The following WNT2 variants were observed in gnomAD, a reference collection of about 807,000 sequenced individuals.
The protein encoded by WNT2 is protein Wnt-2.
A neutral mutation model predicts 36.9 loss-of-function variants in WNT2; 12 were observed. The ratio of observed to expected loss-of-function variants is 0.33; its 90% CI spans 0.21 to 0.53. The LOEUF (loss-of-function observed/expected upper bound fraction) is 0.53, where lower values mean the gene tolerates loss of function less well. Ranked by LOEUF, WNT2 falls within the 20% of genes least tolerant of loss-of-function variation. The pLI, the probability that WNT2 is intolerant of heterozygous loss-of-function variation, is 0.95. For missense variants in WNT2, 379 were observed against 473.1 expected, an observed-to-expected ratio of 0.80 and a Z score of 1.84; for synonymous variants, 163 against 174.6, an observed-to-expected ratio of 0.93 and a Z score of 0.52.
intron 2 of WNT2, among the ~76,000 whole-genome samples, chr7:117,316,838 G>A (rs373786500): frequency 1.3e-5 from 2 of 152,164 alleles, no homozygotes; most frequent in East Asian, 3.8e-4. Flanking sequence ...GGTTACGAGA[G>A]CTGTTTTAAA....
intron 3 of WNT2, among the ~76,000 whole-genome samples, chr7:117,303,313 G>A (rs140746593): frequency 9.4e-4 from 143 of 152,312 alleles, no homozygotes; most frequent in Middle Eastern, 3.4e-3. Flanking sequence ...CGGGGAAATC[G>A]TTATTCAATT....
intron 4 of WNT2, among the ~76,000 whole-genome samples, chr7:117,296,532 A>C (rs1055693546): frequency 1.3e-5 from 2 of 151,942 alleles, no homozygotes; most frequent in East Asian, 3.9e-4. Flanking sequence ...TTTTTCTGAT[A>C]ATGAATTCCT....
At chr7:117,313,616 A>T (rs1217151820) in intron 3 of WNT2, among the ~76,000 whole-genome samples, 1 of 152,226 alleles carries the variant, frequency 6.6e-6, no homozygotes, top group Non-Finnish European at 1.5e-5. Context: ...TTATCTTTCC[A>T]AATAGAGAAA....
intron 1 of WNT2, 36 bp from the exon 2 acceptor site, chr7:117,320,829 C>T (rs369496986): frequency 1.0e-4 from 163 of 1,560,428 alleles, no homozygotes; most frequent in Non-Finnish European, 1.3e-4. Context: ...GTGAGGGCAA[C>T]GTGAACAGGG....
chr7:117,320,688 A>C lies in WNT2; in HGVS notation c.189T>G (p.Arg63=). ...ACTCGGCCACGCCCTGGCTAATGGC[A>C]CGCATCACATCTGGATGTCGGTGAC... The part of the protein sequence containing the change: ...QLCHRHPDVM[R]AISQGVAEWT... The change falls in exon 2 of 5, where the codon CGT becomes CGG. Residue 63 remains arginine, a synonymous_variant. Coordinates refer to ENST00000265441, the MANE Select transcript of WNT2 (RefSeq NM_003391.3). The C allele has an allele frequency of 6.2e-7, 1 of 1,614,042 alleles. No homozygotes were observed. The highest frequency in any genetic ancestry group is 8.5e-7 in the Non-Finnish European group (1 of 1,179,994).
At chr7:117,283,882 A>G (rs1794537722) in intron 4 of WNT2, among the ~76,000 whole-genome samples, 1 of 152,176 alleles carries the variant, frequency 6.6e-6, no homozygotes, top group South Asian at 2.1e-4. Flanking sequence ...GGAAAATGAG[A>G]GAGGGTTTTT....
intron 3 of WNT2, among the ~76,000 whole-genome samples, chr7:117,302,996 C>A (rs569244365): frequency 6.6e-6 from 1 of 152,254 alleles, no homozygotes; most frequent in African/African-American, 2.4e-5. Flanking sequence ...TTCCTGGCAA[C>A]TGGAGAGGGC....
chr7:117,304,684 C>T (rs890366115), intron 3 of WNT2, among the ~76,000 whole-genome samples: 2 of 152,210 alleles, frequency 1.3e-5, no homozygotes, highest in Admixed American at 6.5e-5. Context: ...GATCCACCCG[C>T]CTTGGCCTCC....
At position 117,278,125 on chromosome 7, in the gene WNT2, A is replaced by C. The variant is rs200760273; in HGVS notation, c.*30T>G. 1.1e-5 allele frequency: 17 copies of C among 1,610,516 alleles called. No individual in the cohort carries two copies. The East Asian group carries it at 3.8e-4, about 36-fold the overall frequency. On this transcript the variant is annotated 3_prime_UTR_variant, in exon 5 of 5. Coordinates refer to ENST00000265441, the MANE Select transcript of WNT2 (RefSeq NM_003391.3). ...GCAGATCCAATGGAGTCCTTGTAGAAGGGAAGGTGGATGGTGACGCCTGCT... is the reference window on the plus strand; with the variant it reads ...GCAGATCCAATGGAGTCCTTGTAGACGGGAAGGTGGATGGTGACGCCTGCT...
At chr7:117,314,501 A>C (rs1363815013) in intron 3 of WNT2, among the ~76,000 whole-genome samples, 1 of 152,224 alleles carries the variant, frequency 6.6e-6, no homozygotes, top group African/African-American at 2.4e-5. Flanking sequence ...AGAAGGGGCC[A>C]GAATACCCTC....
chr7:117,292,842 T>C (rs958764134), intron 4 of WNT2, among the ~76,000 whole-genome samples: 2 of 152,190 alleles, frequency 1.3e-5, no homozygotes, highest in African/African-American at 4.8e-5. Flanking sequence ...TAGCAAGAAA[T>C]CAGGTACTGA....
In WNT2 at chr7:117,292,731, G is replaced by A. The variant is rs116439921; in HGVS notation, c.853+4881C>T. Among the ~76,000 whole-genome samples the A allele has an allele frequency of 3.7e-3, 564 of 152,312 alleles. 4 individuals are homozygous for A. The highest frequency in any genetic ancestry group is 0.013 in the African/African-American group (520 of 41,574). ...TTTGCAGTCAAAGAGGGTTCCTGAG[G>A]ATGCTGGCCTAGGAGTGAAAGAATG... On this transcript the variant is annotated intron_variant, in intron 4 of 4. Transcript: ENST00000265441.
At chr7:117,290,445 A>G (rs1036298170) in intron 4 of WNT2, among the ~76,000 whole-genome samples, 1 of 152,220 alleles carries the variant, frequency 6.6e-6, no homozygotes, top group Non-Finnish European at 1.5e-5. Flanking sequence ...AATTACTACT[A>G]ATTCTAGAGT....
rs751275193 is a variant in WNT2, at chr7:117,320,539, T to C, written c.310+28A>G. The stretch of plus-strand genomic sequence containing the variant: ...GGAGCTGTGCATGAGTGGAGAGCCA[T>C]AGGGCTGGGTGAAGGCAGGAGACTT... On this transcript the variant is annotated intron_variant, in intron 2 of 4. Coordinates refer to ENST00000265441, the MANE Select transcript of WNT2 (RefSeq NM_003391.3). 4.4e-6 allele frequency: 7 copies of C among 1,598,880 alleles called. No individual in the cohort carries two copies. In the Admixed American group the frequency reaches 6.8e-5, roughly 16 times the overall value.
At chr7:117,282,622 G>C (rs1311268192) in intron 4 of WNT2, among the ~76,000 whole-genome samples, 1 of 152,230 alleles carries the variant, frequency 6.6e-6, no homozygotes, top group Non-Finnish European at 1.5e-5. Context: ...TCAAAGGGGA[G>C]AGTGTCAGGA....
intron 4 of WNT2, among the ~76,000 whole-genome samples, chr7:117,287,452 T>A (rs996590634): frequency 6.6e-6 from 1 of 152,204 alleles, no homozygotes; most frequent in Non-Finnish European, 1.5e-5. Context: ...TACTTCAGCA[T>A]TTTCTATACA....
At chr7:117,282,792 G>C (rs960864859) in intron 4 of WNT2, among the ~76,000 whole-genome samples, 2 of 152,186 alleles carry the variant, frequency 1.3e-5, no homozygotes, top group Non-Finnish European at 2.9e-5. Context: ...GGGCTGGAAT[G>C]AAGTGGAGGG....
intron 4 of WNT2, among the ~76,000 whole-genome samples, chr7:117,294,712 G>A (rs1028156397): frequency 3.3e-5 from 5 of 152,058 alleles, no homozygotes; most frequent in African/African-American, 1.2e-4. Context: ...AGACAGATAA[G>A]AGAGAAAGTA....
chr7:117,307,301 G>A (rs1248484726), intron 3 of WNT2, among the ~76,000 whole-genome samples: 1 of 151,890 alleles, frequency 6.6e-6, no homozygotes, highest in Admixed American at 6.6e-5. Context: ...ATTTTATTTA[G>A]TCCACACTAC....
Sources: allele counts gnomAD v4.1 joint callset (sites outside exome capture counted in the v4.1 genomes callset), GRCh38; gene constraint gnomAD v4.1.1; transcripts MANE v1.5; gene names NCBI Gene and HGNC (gene_info 2026-07-23, HGNC 2026-07-21).